Variants in PAK5 observed in about 807,000 individuals in gnomAD.
PAK5 encodes p21 (RAC1) activated kinase 5, also known as serine/threonine-protein kinase PAK 5.
Under a neutral mutation model 65.9 loss-of-function variants are expected in PAK5, and 16 were observed. The observed-to-expected ratio is 0.24, with a 90% confidence interval of 0.16 to 0.37. PAK5 has a LOEUF of 0.37. Ranked by LOEUF, PAK5 falls within the 10% of genes least tolerant of loss-of-function variation. PAK5 has a pLI of 1.00. For missense variants in PAK5, 785 were observed against 903.9 expected (o/e 0.87, Z 1.69); for synonymous variants, 371 against 354.9 (o/e 1.05, Z -0.51).
At chr20:9,670,872 G>A (rs1242867124) in intron 2 of PAK5, among the ~76,000 whole-genome samples, 2 of 152,158 alleles carry the variant, frequency 1.3e-5, no homozygotes, top group African/African-American at 4.8e-5. Context: ...GAATGGTATT[G>A]CCTAGGTTTT....
At chr20:9,789,468 G>GA (rs373066323) in intron 1 of PAK5, among the ~76,000 whole-genome samples, 12 of 150,908 alleles carry the variant, frequency 8.0e-5, no homozygotes, top group Admixed American at 2.6e-4. Flanking sequence ...TTATTTCAAT[G>GA]AAAAAAAAAG....
Position 9,580,944 on chromosome 20 carries a change from A to T in PAK5, c.205-14T>A. On this transcript the variant is annotated splice_polypyrimidine_tract_variant and intron_variant, in intron 3 of 9. Transcript: ENST00000353224. ...TCTAACGATTGTCTGGGAATAATAGAGGGAATATTGTTTAAAGAAAATATT... is the reference window on the plus strand; with the variant it reads ...TCTAACGATTGTCTGGGAATAATAGTGGGAATATTGTTTAAAGAAAATATT... The T allele has an allele frequency of 1.3e-6, 2 of 1,534,346 alleles. No individual in the cohort carries two copies. Among genetic ancestry groups the T allele is most frequent in the Non-Finnish European group, 1.8e-6 (2 of 1,137,478 alleles).
intron 1 of PAK5, among the ~76,000 whole-genome samples, chr20:9,836,342 T>A (rs1254932367): frequency 1.3e-5 from 2 of 152,028 alleles, no homozygotes; most frequent in Non-Finnish European, 2.9e-5. Context: ...TAATTTGAGG[T>A]CATATTGAAT....
chr20:9,575,946 A>G (rs1289923538), intron 4 of PAK5, among the ~76,000 whole-genome samples: 1 of 152,160 alleles, frequency 6.6e-6, no homozygotes, highest in African/African-American at 2.4e-5. Context: ...AGCTTCCTCA[A>G]CTGTAGAGCA....
intron 2 of PAK5, among the ~76,000 whole-genome samples, chr20:9,654,835 C>G (rs2047245888): frequency 6.6e-6 from 1 of 152,162 alleles, no homozygotes. Flanking sequence ...CTGTCTCCAC[C>G]CTCTCATCTT....
At chr20:9,754,813 G>A (rs1430069930) in intron 1 of PAK5, among the ~76,000 whole-genome samples, 1 of 152,194 alleles carries the variant, frequency 6.6e-6, no homozygotes, top group Non-Finnish European at 1.5e-5. Context: ...GCAAGATGGA[G>A]TTGGTTAGGT....
intron 2 of PAK5, among the ~76,000 whole-genome samples, chr20:9,664,819 A>T (rs2047391523): frequency 6.6e-6 from 1 of 152,170 alleles, no homozygotes; most frequent in Non-Finnish European, 1.5e-5. Context: ...TCAGAAAAAC[A>T]TCCATTGAGA....
At chr20:9,676,850 T>C (rs2047579621) in intron 2 of PAK5, among the ~76,000 whole-genome samples, 1 of 152,222 alleles carries the variant, frequency 6.6e-6, no homozygotes, top group Non-Finnish European at 1.5e-5. Context: ...TTTGCTGATA[T>C]TTAATATGCT....
At chr20:9,815,647 C>T (rs777207579) in intron 1 of PAK5, among the ~76,000 whole-genome samples, 13 of 152,042 alleles carry the variant, frequency 8.6e-5, no homozygotes, top group Admixed American at 3.3e-4. Flanking sequence ...CACTGTGGTC[C>T]CTCATGATTC....
intron 5 of PAK5, 69 bp from the exon 6 acceptor site, chr20:9,563,093 A>G: frequency 1.5e-6 from 2 of 1,378,488 alleles, no homozygotes; most frequent in South Asian, 2.3e-5. Context: ...TGTGGCCACA[A>G]CTACAATTGT....
intron 3 of PAK5, among the ~76,000 whole-genome samples, chr20:9,640,963 G>A (rs895846459): frequency 6.6e-6 from 1 of 152,206 alleles, no homozygotes; most frequent in Non-Finnish European, 1.5e-5. Flanking sequence ...GTGTGGAAGT[G>A]GACCCCAGTG....
intron 3 of PAK5, among the ~76,000 whole-genome samples, chr20:9,637,756 C>T (rs1054080151): frequency 4.0e-5 from 6 of 151,544 alleles, no homozygotes; most frequent in African/African-American, 1.2e-4. Flanking sequence ...TCACATATGC[C>T]GAATAAAACT....
intron 2 of PAK5, among the ~76,000 whole-genome samples, chr20:9,654,055 C>T (rs1056675198): frequency 6.6e-6 from 1 of 151,554 alleles, no homozygotes. Context: ...CTCACTGCAA[C>T]CTCTGCCTCC....
At chr20:9,611,812 A>C (rs2046566449) in intron 3 of PAK5, among the ~76,000 whole-genome samples, 2 of 152,190 alleles carry the variant, frequency 1.3e-5, no homozygotes, top group Admixed American at 6.5e-5. Context: ...CTAAGGAGTT[A>C]CTTGTGCTCC....
rs60243182 is a variant in PAK5 at position 9,621,215 on chromosome 20, T to C, written c.204+22910A>G. On this transcript the variant is annotated intron_variant, in intron 3 of 9. Transcript: ENST00000353224. ...AGTAGAAGAGATGTCTCAAAACCTA[T>C]GCAAAAATATAAAGAGAGGAAAGTC... Among the ~76,000 whole-genome samples, 1,432 of 152,010 alleles carry C rather than the reference T, an allele frequency of 9.4e-3. 22 individuals are homozygous for C. Among genetic ancestry groups the C allele is most frequent in the African/African-American group, 0.033 (1,358 of 41,486 alleles).
At chr20:9,680,091 G>A (rs113858576) in intron 2 of PAK5, among the ~76,000 whole-genome samples, 6,377 of 152,270 alleles carry the variant, frequency 0.042, 194 homozygotes, top group Non-Finnish European at 0.063. Flanking sequence ...GAGAGCTAAT[G>A]GATGATGAGT....
At chr20:9,588,679 C>T (rs189491603) in intron 3 of PAK5, among the ~76,000 whole-genome samples, 10 of 152,150 alleles carry the variant, frequency 6.6e-5, no homozygotes, top group South Asian at 2.1e-4. Context: ...TATTATTGTC[C>T]GTCTCTGGTG....
chr20:9,561,089 T>TA (rs1419840948), intron 6 of PAK5, among the ~76,000 whole-genome samples: 3 of 152,216 alleles, frequency 2.0e-5, no homozygotes. Context: ...ATTCTGAGTT[T>TA]AAGATTTCGA....
chr20:9,721,142 A>G (rs1467221551), intron 1 of PAK5, among the ~76,000 whole-genome samples: 1 of 152,184 alleles, frequency 6.6e-6, no homozygotes, highest in Non-Finnish European at 1.5e-5. Flanking sequence ...AACATTTTGT[A>G]AAAATTGGTA....
Sources: allele counts gnomAD v4.1 joint callset (sites outside exome capture counted in the v4.1 genomes callset), GRCh38; gene constraint gnomAD v4.1.1; transcripts MANE v1.5; gene names NCBI Gene and HGNC (gene_info 2026-07-23, HGNC 2026-07-21).